The following MACROD2 variants were observed in gnomAD, a reference collection of about 807,000 sequenced individuals.
The protein encoded by MACROD2 is mono-ADP ribosylhydrolase 2.
Under a neutral mutation model 70.4 loss-of-function variants are expected in MACROD2, and 36 were observed. The observed-to-expected ratio is 0.51, with a 90% confidence interval of 0.39 to 0.68. MACROD2 has a LOEUF of 0.68. Ranked by LOEUF, MACROD2 falls within the 30% of genes least tolerant of loss-of-function variation. The pLI is 0.00. For missense variants in MACROD2, 496 were observed against 538.4 expected (o/e 0.92, Z 0.78); for synonymous variants, 172 against 178.8 (o/e 0.96, Z 0.30).
At chr20:14,620,229 A>C (rs2123450610) in intron 4 of MACROD2, among the ~76,000 whole-genome samples, 1 of 152,050 alleles carries the variant, frequency 6.6e-6, no homozygotes, top group South Asian at 2.1e-4. Context: ...TTCAAAATCT[A>C]GCGTGCAGTT....
intron 8 of MACROD2, among the ~76,000 whole-genome samples, chr20:15,746,606 T>C (rs2051188268): frequency 6.6e-6 from 1 of 151,748 alleles, no homozygotes; most frequent in South Asian, 2.1e-4. Flanking sequence ...TTTCATCATT[T>C]TATAATTTTC....
At chr20:15,835,816 G>A (rs1454212198) in intron 8 of MACROD2, among the ~76,000 whole-genome samples, 1 of 151,144 alleles carries the variant, frequency 6.6e-6, no homozygotes, top group East Asian at 2.0e-4. Flanking sequence ...AGAGCTTTGA[G>A]TTTCCTCATC....
intron 3 of MACROD2, among the ~76,000 whole-genome samples, chr20:14,434,496 C>T (rs926733952): frequency 6.6e-6 from 1 of 152,030 alleles, no homozygotes; most frequent in Non-Finnish European, 1.5e-5. Flanking sequence ...ACCTGATGCC[C>T]TTGCAATTGT....
At chr20:15,616,700 T>C (rs1408252978) in intron 8 of MACROD2, among the ~76,000 whole-genome samples, 3 of 152,204 alleles carry the variant, frequency 2.0e-5, no homozygotes, top group South Asian at 2.1e-4. Context: ...CTTGCCTCTA[T>C]ACAATCTTCT....
At chr20:14,345,953 G>T (rs1189332692) in intron 3 of MACROD2, among the ~76,000 whole-genome samples, 1 of 151,506 alleles carries the variant, frequency 6.6e-6, no homozygotes, top group Non-Finnish European at 1.5e-5. Context: ...AGTTAGCTGG[G>T]CGTGGTGGTG....
At chr20:14,082,179 T>TTC (rs1226938873) in intron 2 of MACROD2, among the ~76,000 whole-genome samples, 5 of 124,218 alleles carry the variant, frequency 4.0e-5, no homozygotes, top group South Asian at 2.9e-4. Flanking sequence ...TTTTTTTTCT[T>TTC]TTTTTTTTTT....
At chr20:14,130,186 A>G (rs1217613881) in intron 3 of MACROD2, among the ~76,000 whole-genome samples, 1 of 152,226 alleles carries the variant, frequency 6.6e-6, no homozygotes. Context: ...GCAGAGGAGA[A>G]AATTGATAAA....
At chr20:15,156,274 A>G (rs2076306386) in intron 5 of MACROD2, among the ~76,000 whole-genome samples, 1 of 152,192 alleles carries the variant, frequency 6.6e-6, no homozygotes, top group African/African-American at 2.4e-5. Flanking sequence ...CATCAGGGTA[A>G]TACTACTAGC....
chr20:15,827,837 AC>A (rs1255452988), intron 8 of MACROD2, among the ~76,000 whole-genome samples: 1 of 152,248 alleles, frequency 6.6e-6, no homozygotes, highest in Non-Finnish European at 1.5e-5. Context: ...GTGCATCTCC[AC>A]AGCAATGGAG....
intron 3 of MACROD2, among the ~76,000 whole-genome samples, chr20:14,253,385 A>G (rs1433097103): frequency 6.6e-6 from 1 of 152,022 alleles, no homozygotes; most frequent in Non-Finnish European, 1.5e-5. Flanking sequence ...CAAATAACTG[A>G]GGCAGAACAT....
At chr20:14,939,346 A>G (rs1171244742) in intron 5 of MACROD2, among the ~76,000 whole-genome samples, 1 of 149,358 alleles carries the variant, frequency 6.7e-6, no homozygotes, top group Non-Finnish European at 1.5e-5. Flanking sequence ...CATTGAAGAG[A>G]CTCCTTTCCT....
chr20:15,465,680 C>T (rs1003493144), intron 7 of MACROD2, among the ~76,000 whole-genome samples: 14 of 152,180 alleles, frequency 9.2e-5, no homozygotes, highest in Admixed American at 7.9e-4. Context: ...CCCTGCAGGT[C>T]GGGAGGAAGG....
At position 15,480,326 on chromosome 20, in the gene MACROD2, G is replaced by A. The variant is rs77011801; in HGVS notation, c.572-19448G>A. Among the ~76,000 whole-genome samples, 890 of 152,190 alleles carry A rather than the reference G, an allele frequency of 5.8e-3. 11 individuals are homozygous for A. The highest frequency in any genetic ancestry group is 0.021 in the African/African-American group (851 of 41,506). On this transcript the variant is annotated intron_variant, in intron 7 of 17. Coordinates refer to ENST00000684519, the MANE Select transcript of MACROD2 (RefSeq NM_001351661.2). ...TCTTAACTCTTCGCTCCAGTTTTGG[G>A]GTCTGTGCCTCATAACCATAGTCAC...
intron 6 of MACROD2, among the ~76,000 whole-genome samples, chr20:15,355,892 T>G (rs2423951): frequency 0.62 from 94,424 of 151,972 alleles, 29,432 homozygotes; most frequent in East Asian, 0.75. Flanking sequence ...ATAAAATAAT[T>G]ATGATCTAAT....
At chr20:14,789,996 G>A (rs2072430101) in intron 5 of MACROD2, among the ~76,000 whole-genome samples, 1 of 152,008 alleles carries the variant, frequency 6.6e-6, no homozygotes, top group Non-Finnish European at 1.5e-5. Context: ...ATATGTAAAT[G>A]ATTACTTAGG....
At chr20:14,544,680 T>A (rs1012821976) in intron 4 of MACROD2, among the ~76,000 whole-genome samples, 1 of 152,036 alleles carries the variant, frequency 6.6e-6, no homozygotes, top group Non-Finnish European at 1.5e-5. Flanking sequence ...CAAGGAACAC[T>A]GATAGGGGAG....
rs200226565 is a variant in MACROD2 at position 14,937,839 on chromosome 20, C to G, written c.418+252880C>G. On this transcript the variant is annotated intron_variant, in intron 5 of 17. Transcript: ENST00000684519. ...ATCAGGCTCTATTCATCCTCCCACCCCCTTACCCTTCCTAGCCTCTAGTAA... is the reference window on the plus strand; with the variant it reads ...ATCAGGCTCTATTCATCCTCCCACCGCCTTACCCTTCCTAGCCTCTAGTAA... Among the ~76,000 whole-genome samples the G allele has an allele frequency of 1.1e-4, 16 of 152,160 alleles. No homozygotes were observed. In the East Asian group the frequency reaches 2.5e-3, roughly 24 times the overall value.
At chr20:15,638,990 G>A (rs539027112) in intron 8 of MACROD2, among the ~76,000 whole-genome samples, 3 of 152,254 alleles carry the variant, frequency 2.0e-5, no homozygotes, top group Non-Finnish European at 2.9e-5. Context: ...AAAGGCTCCC[G>A]ATAAATGCTT....
At chr20:15,305,822 C>T (rs1230174955) in intron 6 of MACROD2, among the ~76,000 whole-genome samples, 1 of 152,180 alleles carries the variant, frequency 6.6e-6, no homozygotes, top group East Asian at 1.9e-4. Flanking sequence ...CACTCTCAAT[C>T]TCATTCCCAG....
Sources: allele counts gnomAD v4.1 joint callset (sites outside exome capture counted in the v4.1 genomes callset), GRCh38; gene constraint gnomAD v4.1.1; transcripts MANE v1.5; gene names NCBI Gene and HGNC (gene_info 2026-07-23, HGNC 2026-07-21).